ALK: variants seen among roughly 807,000 people sequenced by gnomAD.
ALK encodes ALK receptor tyrosine kinase.
In ALK, 74 loss-of-function variants were observed where a neutral mutation model predicts 163.1. That is an observed-to-expected ratio of 0.45 (90% confidence interval 0.38 to 0.55). The LOEUF (loss-of-function observed/expected upper bound fraction) is 0.55. ALK is among the 20% of genes least tolerant of loss of function. The pLI, the probability that ALK is intolerant of heterozygous loss-of-function variation, is 0.00. For missense variants in ALK, 2,063 were observed against 2,105.3 expected, an observed-to-expected ratio of 0.98 and a Z score of 0.39; for synonymous variants, 960 against 843.2, an observed-to-expected ratio of 1.14 and a Z score of -2.40.
intron 1 of ALK, among the ~76,000 whole-genome samples, chr2:29,823,803 T>A (rs757189219): frequency 3.9e-5 from 6 of 152,130 alleles, no homozygotes; most frequent in Non-Finnish European, 7.4e-5. Context: ...AGCCTGACAA[T>A]GTGATAGAAA....
chr2:29,467,678 C>G (rs1407295266), intron 4 of ALK, among the ~76,000 whole-genome samples: 1 of 152,156 alleles, frequency 6.6e-6, no homozygotes, highest in Non-Finnish European at 1.5e-5. Flanking sequence ...CAGGGACCCT[C>G]AAGATTAAAG....
intron 1 of ALK, among the ~76,000 whole-genome samples, chr2:29,858,703 A>G (rs890906124): frequency 7.9e-5 from 12 of 151,922 alleles, no homozygotes; most frequent in Admixed American, 7.2e-4. Flanking sequence ...AGATTGCCTC[A>G]CTGCACTCCA....
intron 8 of ALK, among the ~76,000 whole-genome samples, chr2:29,302,268 A>G (rs1223918353): frequency 6.6e-6 from 1 of 152,240 alleles, no homozygotes; most frequent in Non-Finnish European, 1.5e-5. Context: ...CTGTAATCCC[A>G]GCACTTTGGG....
intron 1 of ALK, among the ~76,000 whole-genome samples, chr2:29,742,954 C>G (rs1680101958): frequency 6.6e-6 from 1 of 152,178 alleles, no homozygotes; most frequent in African/African-American, 2.4e-5. Context: ...TGTACTTTGG[C>G]AACGTCTCAG....
chr2:29,425,769 A>G (rs1670121355), intron 4 of ALK, among the ~76,000 whole-genome samples: 1 of 152,162 alleles, frequency 6.6e-6, no homozygotes, highest in African/African-American at 2.4e-5. Context: ...AACAGAATTT[A>G]TTTATATCAG....
At chr2:29,825,243 A>T (rs1158028068) in intron 1 of ALK, among the ~76,000 whole-genome samples, 1 of 152,226 alleles carries the variant, frequency 6.6e-6, no homozygotes, top group Admixed American at 6.5e-5. Context: ...CTTTATCAGC[A>T]GCATGAAAAT....
At chr2:29,548,607 A>T (rs1319622614) in intron 3 of ALK, among the ~76,000 whole-genome samples, 2 of 152,126 alleles carry the variant, frequency 1.3e-5, no homozygotes, top group Admixed American at 6.6e-5. Flanking sequence ...AAGTCATCGC[A>T]GCGAAGGCTT....
chr2:29,764,519 T>G (rs2148339674), intron 1 of ALK, among the ~76,000 whole-genome samples: 1 of 152,314 alleles, frequency 6.6e-6, no homozygotes, highest in South Asian at 2.1e-4. Flanking sequence ...TTTTATTTCT[T>G]CATTCATCAA....
intron 4 of ALK, among the ~76,000 whole-genome samples, chr2:29,526,663 C>CT (rs1216767619): frequency 6.6e-6 from 1 of 152,176 alleles, no homozygotes; most frequent in Non-Finnish European, 1.5e-5. Flanking sequence ...AAATGATCAC[C>CT]TTTTTTATTT....
chr2:29,444,423 G>C (rs538765620), intron 4 of ALK, among the ~76,000 whole-genome samples: 8 of 152,278 alleles, frequency 5.3e-5, no homozygotes, highest in African/African-American at 1.9e-4. Context: ...GCCCAAGGCT[G>C]CCTGATTTGG....
At chr2:29,720,394 A>G (rs748343585) in intron 1 of ALK, among the ~76,000 whole-genome samples, 34 of 152,276 alleles carry the variant, frequency 2.2e-4, no homozygotes, top group Non-Finnish European at 2.9e-5. Context: ...GAAAAAAAGC[A>G]GAAAGTCTTA....
intron 1 of ALK, among the ~76,000 whole-genome samples, chr2:29,771,793 C>T (rs868304164): frequency 6.6e-6 from 1 of 151,952 alleles, no homozygotes; most frequent in Non-Finnish European, 1.5e-5. Context: ...CTCGACCTCC[C>T]AAAGTGCTGG....
intron 1 of ALK, among the ~76,000 whole-genome samples, chr2:29,726,669 G>A (rs1192669091): frequency 1.3e-5 from 2 of 152,180 alleles, no homozygotes; most frequent in African/African-American, 4.8e-5. Flanking sequence ...TGAGTGCCCT[G>A]GGGAGAGTGT....
intron 4 of ALK, among the ~76,000 whole-genome samples, chr2:29,443,931 G>A (rs1051660641): frequency 1.2e-4 from 18 of 152,160 alleles, no homozygotes; most frequent in African/African-American, 2.4e-4. Context: ...GGCATTCTGC[G>A]TTCTCCAGGT....
At chr2:29,778,522 C>T (rs376996913) in intron 1 of ALK, among the ~76,000 whole-genome samples, 29 of 152,162 alleles carry the variant, frequency 1.9e-4, no homozygotes, top group African/African-American at 6.3e-4. Context: ...GTGCAGGCAT[C>T]GTGTGTGTAT....
intron 1 of ALK, among the ~76,000 whole-genome samples, chr2:29,748,879 G>A (rs1455650909): frequency 1.3e-5 from 2 of 152,054 alleles, no homozygotes; most frequent in African/African-American, 4.8e-5. Context: ...CCAAGTAGTT[G>A]GGATTACAGT....
Position 29,704,858 on chromosome 2 carries a change from G to A in ALK, c.788-9844C>T, listed in dbSNP as rs181145771. On this transcript the variant is annotated intron_variant, in intron 2 of 28. Coordinates refer to ENST00000389048, the MANE Select transcript of ALK (RefSeq NM_004304.5). ...CCAGCTCCAGGCGCATCAGCCTTGT[G>A]CTTGGGGCAATTCATTTAACCACTT... 7.9e-5 allele frequency among the ~76,000 whole-genome samples: 12 copies of A among 152,232 alleles called. No homozygotes were observed. The East Asian group carries it at 2.1e-3, about 27-fold the overall frequency.
At chr2:29,556,632 T>C (rs1174230341) in intron 3 of ALK, among the ~76,000 whole-genome samples, 5 of 152,176 alleles carry the variant, frequency 3.3e-5, no homozygotes, top group Non-Finnish European at 7.3e-5. Context: ...CAGAAGCTAT[T>C]ATCAAGAAGC....
intron 5 of ALK, among the ~76,000 whole-genome samples, chr2:29,382,378 G>A (rs148600410): frequency 1.3e-5 from 2 of 152,250 alleles, no homozygotes; most frequent in East Asian, 3.9e-4. Flanking sequence ...GGAGTTGCAG[G>A]GCAAGGGAGA....
Sources: allele counts gnomAD v4.1 joint callset (sites outside exome capture counted in the v4.1 genomes callset), GRCh38; gene constraint gnomAD v4.1.1; transcripts MANE v1.5; gene names NCBI Gene and HGNC (gene_info 2026-07-23, HGNC 2026-07-21).